The following LAMA2 variants were observed in gnomAD, a reference collection of about 807,000 sequenced individuals.
The protein encoded by LAMA2 is laminin subunit alpha 2.
LAMA2 carries 269 observed loss-of-function variants against 364.8 expected under a neutral mutation model. The ratio of observed to expected loss-of-function variants is 0.74; its 90% CI spans 0.67 to 0.82. The LOEUF is 0.82. LAMA2 is among the 40% of genes least tolerant of loss of function. LAMA2 has a pLI of 0.00. For synonymous variants in LAMA2, 1,379 were observed against 1,370.6 expected, an observed-to-expected ratio of 1.01 and a Z score of -0.14; for missense variants, 3,807 against 3,873.2, an observed-to-expected ratio of 0.98 and a Z score of 0.45.
chr6:129,046,341 C>T (rs534421566), intron 1 of LAMA2, among the ~76,000 whole-genome samples: 2 of 152,276 alleles, frequency 1.3e-5, no homozygotes, highest in African/African-American at 4.8e-5. Context: ...TTAATAGACT[C>T]ACAGTTCCAC....
intron 2 of LAMA2, among the ~76,000 whole-genome samples, chr6:129,054,612 G>T (rs943555933): frequency 6.7e-6 from 1 of 150,156 alleles, no homozygotes; most frequent in African/African-American, 2.4e-5. Flanking sequence ...ATGTATGCAG[G>T]TATATACATA....
intron 20 of LAMA2, among the ~76,000 whole-genome samples, chr6:129,293,695 C>T (rs368951614): frequency 4.7e-4 from 7 of 15,020 alleles, no homozygotes; most frequent in African/African-American, 8.8e-4. Flanking sequence ...AGAAGAGGTC[C>T]CAGGCTGAGC....
intron 2 of LAMA2, among the ~76,000 whole-genome samples, chr6:129,056,119 GTTTTTCTA>G (rs945293917): frequency 7.9e-5 from 12 of 151,922 alleles, no homozygotes; most frequent in Non-Finnish European, 1.6e-4. Flanking sequence ...GTATGTGTGT[GTTTTTCTA>G]TCACATATTA....
At chr6:129,071,718 G>A (rs1310841989) in intron 3 of LAMA2, among the ~76,000 whole-genome samples, 1 of 151,984 alleles carries the variant, frequency 6.6e-6, no homozygotes, top group Non-Finnish European at 1.5e-5. Flanking sequence ...TTTTCTAATC[G>A]TTTTGTTTTT....
intron 4 of LAMA2, among the ~76,000 whole-genome samples, chr6:129,119,525 TA>T (rs1258434801): frequency 2.6e-5 from 4 of 151,492 alleles, no homozygotes; most frequent in African/African-American, 7.3e-5. Flanking sequence ...CATTTTATTT[TA>T]TTTTTTATTA....
At chr6:129,498,258 G>T (rs1043497476) in intron 58 of LAMA2, among the ~76,000 whole-genome samples, 1 of 152,182 alleles carries the variant, frequency 6.6e-6, no homozygotes, top group Admixed American at 6.5e-5. Context: ...GCTCTCTTTG[G>T]GATTTGGGGA....
chr6:129,172,753 C>CG (rs550979669), intron 9 of LAMA2, among the ~76,000 whole-genome samples: 2,701 of 152,300 alleles, frequency 0.018, 82 homozygotes, highest in African/African-American at 0.06. Flanking sequence ...TGGGCAATGG[C>CG]GGCGCCCCTC....
At chr6:129,098,526 T>C (rs1336320142) in intron 4 of LAMA2, 111 bp downstream of exon 4, 2 of 1,283,482 alleles carry the variant, frequency 1.6e-6, no homozygotes, top group East Asian at 2.4e-5. Context: ...AAATAGGATT[T>C]AGCAAAAGTA....
intron 35 of LAMA2, among the ~76,000 whole-genome samples, chr6:129,387,007 C>A (rs1779053195): frequency 6.6e-6 from 1 of 151,352 alleles, no homozygotes; most frequent in Non-Finnish European, 1.5e-5. Flanking sequence ...TCTTCTGGGA[C>A]TATTTCAATA....
intron 21 of LAMA2, among the ~76,000 whole-genome samples, chr6:129,298,217 C>T (rs545234985): frequency 2.4e-4 from 12 of 50,438 alleles, no homozygotes; most frequent in African/African-American, 5.7e-4. Flanking sequence ...TCAAACCCCA[C>T]GCCAATGCAT....
chr6:129,497,202 A>G (rs1470005404), intron 58 of LAMA2, among the ~76,000 whole-genome samples: 1 of 152,148 alleles, frequency 6.6e-6, no homozygotes, highest in African/African-American at 2.4e-5. Context: ...TAAGTCCTCT[A>G]TAATTTTCAC....
chr6:129,241,148 T>C (rs532676307), intron 12 of LAMA2, among the ~76,000 whole-genome samples: 47 of 152,298 alleles, frequency 3.1e-4, no homozygotes, highest in African/African-American at 1.1e-3. Context: ...TTTATCCCAG[T>C]TTTTTATGCC....
intron 4 of LAMA2, among the ~76,000 whole-genome samples, chr6:129,132,304 C>A (rs1281544996): frequency 6.6e-6 from 1 of 151,986 alleles, no homozygotes; most frequent in Admixed American, 6.6e-5. Flanking sequence ...GTAGCTAGGA[C>A]TACAGGCGCC....
intron 37 of LAMA2, among the ~76,000 whole-genome samples, chr6:129,398,478 T>C (rs1177067149): frequency 6.9e-6 from 1 of 145,558 alleles, no homozygotes; most frequent in Non-Finnish European, 1.5e-5. Context: ...TTTTCTTTTT[T>C]TTTTTTTTTT....
intron 1 of LAMA2, among the ~76,000 whole-genome samples, chr6:128,944,046 T>C (rs554288847): frequency 2.6e-5 from 4 of 152,196 alleles, no homozygotes; most frequent in Non-Finnish European, 4.4e-5. Context: ...TAGTACTTTG[T>C]AGGAACTAAT....
chr6:128,928,089 C>A (rs1779209267), intron 1 of LAMA2, among the ~76,000 whole-genome samples: 1 of 152,204 alleles, frequency 6.6e-6, no homozygotes, highest in Non-Finnish European at 1.5e-5. Context: ...GTGACTTGGA[C>A]TACACAACAA....
chr6:129,327,560 T>G, intron 28 of LAMA2, among the ~76,000 whole-genome samples: 1 of 152,216 alleles, frequency 6.6e-6, no homozygotes, highest in Non-Finnish European at 1.5e-5. Context: ...AAGACGGTTT[T>G]CATCTTCGTG....
At chr6:129,470,384 G>C (rs1021320927) in intron 51 of LAMA2, among the ~76,000 whole-genome samples, 1 of 151,880 alleles carries the variant, frequency 6.6e-6, no homozygotes, top group South Asian at 2.1e-4. Context: ...CAAAAATCAG[G>C]TCCAAGCATA....
intron 3 of LAMA2, among the ~76,000 whole-genome samples, chr6:129,061,914 C>A (rs150546861): frequency 6.6e-6 from 1 of 152,306 alleles, no homozygotes; most frequent in African/African-American, 2.4e-5. Context: ...TGAAAATCAA[C>A]CTACTGTGTG....
Sources: gnomAD v4.1 joint callset for allele counts (sites outside exome capture counted in the v4.1 genomes callset) on GRCh38, gnomAD v4.1.1 for gene constraint, MANE v1.5 for transcripts, NCBI Gene and HGNC (gene_info 2026-07-23, HGNC 2026-07-21) for gene names.